Variants in CTNND2 observed in about 807,000 individuals in gnomAD.
CTNND2 encodes the protein catenin delta-2.
In CTNND2, 22 loss-of-function variants were observed where a neutral mutation model predicts 144.4. The observed-to-expected ratio is 0.15, with a 90% confidence interval of 0.11 to 0.22. The LOEUF (loss-of-function observed/expected upper bound fraction) is 0.22. CTNND2 is among the 10% of genes least tolerant of loss of function. CTNND2 has a pLI of 1.00. For synonymous variants in CTNND2, 751 were observed against 695.6 expected (o/e 1.08, Z -1.25); for missense variants, 1,353 against 1,618.8 (o/e 0.84, Z 2.82).
intron 1 of CTNND2, among the ~76,000 whole-genome samples, chr5:11,771,615 A>G (rs188501742): frequency 6.6e-6 from 1 of 152,186 alleles, no homozygotes; most frequent in African/African-American, 2.4e-5. Flanking sequence ...TTATCATTGT[A>G]GACCTCACTT....
At chr5:11,542,676 A>G (rs1186381803) in intron 3 of CTNND2, among the ~76,000 whole-genome samples, 1 of 152,250 alleles carries the variant, frequency 6.6e-6, no homozygotes, top group African/African-American at 2.4e-5. Flanking sequence ...AAAGGTCATT[A>G]TACACTCTTA....
rs578042962 is a variant in CTNND2 at position 11,581,990 on chromosome 5, G to C, written c.175-16934C>G. Among the ~76,000 whole-genome samples the C allele has an allele frequency of 5.9e-5, 9 of 152,258 alleles. No homozygotes were observed. In the East Asian group the frequency reaches 1.7e-3, roughly 29 times the overall value. The stretch of plus-strand genomic sequence containing the variant: ...TGTATAAATAAATGAGCATAAAATG[G>C]ATGTTCTTACTCAGAAGACTTTTAC... On this transcript the variant is annotated intron_variant, in intron 2 of 21. Coordinates refer to ENST00000304623, the MANE Select transcript of CTNND2 (RefSeq NM_001332.4).
chr5:11,775,878 C>T (rs933998224), intron 1 of CTNND2, among the ~76,000 whole-genome samples: 1 of 152,098 alleles, frequency 6.6e-6, no homozygotes, highest in African/African-American at 2.4e-5. Context: ...AATACAAAGA[C>T]TAGGGTCCTT....
At chr5:11,226,136 T>A (rs1450034408) in intron 10 of CTNND2, among the ~76,000 whole-genome samples, 1 of 152,180 alleles carries the variant, frequency 6.6e-6, no homozygotes, top group Non-Finnish European at 1.5e-5. Context: ...GAGAACAGAT[T>A]TCCATTGTTC....
intron 5 of CTNND2, among the ~76,000 whole-genome samples, chr5:11,400,236 GA>G (rs1760517754): frequency 6.6e-6 from 1 of 152,252 alleles, no homozygotes; most frequent in African/African-American, 2.4e-5. Flanking sequence ...GGGTGATATG[GA>G]AAGAAATGGT....
intron 2 of CTNND2, among the ~76,000 whole-genome samples, chr5:11,721,628 C>T (rs1432122242): frequency 1.3e-5 from 2 of 152,238 alleles, no homozygotes; most frequent in African/African-American, 4.8e-5. Context: ...CGGGGCTCCA[C>T]TGCTGATGGC....
At chr5:11,304,759 C>T (rs138707847) in intron 9 of CTNND2, among the ~76,000 whole-genome samples, 80 of 152,286 alleles carry the variant, frequency 5.3e-4, no homozygotes, top group African/African-American at 1.8e-3. Context: ...TCTGTTTCTT[C>T]CTGGCCACTG....
At chr5:11,188,778 T>C (rs1473825145) in intron 11 of CTNND2, among the ~76,000 whole-genome samples, 1 of 152,170 alleles carries the variant, frequency 6.6e-6, no homozygotes, top group Admixed American at 6.5e-5. Context: ...GAAGACTCTA[T>C]GGGATACAGC....
chr5:11,399,899 T>A (rs1275487670), intron 5 of CTNND2, among the ~76,000 whole-genome samples: 1 of 152,186 alleles, frequency 6.6e-6, no homozygotes, highest in East Asian at 1.9e-4. Context: ...GCTCACTAGG[T>A]TTTAAATCAG....
intron 1 of CTNND2, among the ~76,000 whole-genome samples, chr5:11,900,141 T>A (rs1440402099): frequency 1.3e-5 from 2 of 152,206 alleles, no homozygotes; most frequent in Non-Finnish European, 2.9e-5. Context: ...AGGTGAATAT[T>A]TATCTAAGAT....
Position 11,399,922 on chromosome 5 carries a change from A to T in CTNND2, c.440-2719T>A, listed in dbSNP as rs181610142. 6.6e-5 allele frequency among the ~76,000 whole-genome samples: 10 copies of T among 152,334 alleles called. No homozygotes were observed. The East Asian group carries it at 1.7e-3, about 26-fold the overall frequency. On this transcript the variant is annotated intron_variant, in intron 5 of 21. Coordinates refer to ENST00000304623, the MANE Select transcript of CTNND2 (RefSeq NM_001332.4). ...GGTTTTAAATCAGTGTCATTTACTC[A>T]TTCTAATTTTAGAGAGCACAGACAT... is the stretch of plus-strand genomic sequence containing the variant.
intron 1 of CTNND2, among the ~76,000 whole-genome samples, chr5:11,862,761 T>C (rs974859307): frequency 3.3e-5 from 5 of 152,230 alleles, no homozygotes; most frequent in Admixed American, 6.5e-5. Context: ...CTTTGAGACA[T>C]TGGCCAGCTC....
chr5:11,691,464 T>C (rs1784907209), intron 2 of CTNND2, among the ~76,000 whole-genome samples: 3 of 152,026 alleles, frequency 2.0e-5, no homozygotes, highest in Admixed American at 2.0e-4. Flanking sequence ...AAGTGGTCTC[T>C]GGTATGTTTT....
At chr5:11,403,309 T>C (rs538906679) in intron 5 of CTNND2, among the ~76,000 whole-genome samples, 35 of 152,288 alleles carry the variant, frequency 2.3e-4, no homozygotes, top group African/African-American at 8.4e-4. Context: ...AGTGTTTGGT[T>C]TTCTGCTCCT....
At chr5:11,860,074 G>A (rs909557737) in intron 1 of CTNND2, among the ~76,000 whole-genome samples, 1 of 151,970 alleles carries the variant, frequency 6.6e-6, no homozygotes, top group African/African-American at 2.4e-5. Flanking sequence ...GTGATCAATC[G>A]GATTAAATAT....
At chr5:11,899,124 G>A (rs1229356993) in intron 1 of CTNND2, among the ~76,000 whole-genome samples, 9 of 152,152 alleles carry the variant, frequency 5.9e-5, no homozygotes, top group Non-Finnish European at 1.0e-4. Flanking sequence ...GATTTTAATT[G>A]GGGAGGGGGT....
At chr5:11,775,846 C>T (rs1790223067) in intron 1 of CTNND2, among the ~76,000 whole-genome samples, 1 of 152,124 alleles carries the variant, frequency 6.6e-6, no homozygotes, top group Non-Finnish European at 1.5e-5. Flanking sequence ...AAAATGAGAT[C>T]ATATTGGATT....
intron 9 of CTNND2, among the ~76,000 whole-genome samples, chr5:11,316,466 TTTTTA>T (rs1751491264): frequency 2.6e-5 from 1 of 38,962 alleles, no homozygotes; most frequent in Admixed American, 4.8e-4. Flanking sequence ...TATCCACTAT[TTTTTA>T]TTATTATTAT....
intron 9 of CTNND2, among the ~76,000 whole-genome samples, chr5:11,278,543 T>C (rs1016422245): frequency 1.3e-5 from 2 of 152,126 alleles, no homozygotes; most frequent in East Asian, 3.9e-4. Context: ...GAAAAGCTAG[T>C]GGCCAGGAAA....
Sources: gnomAD v4.1 joint callset for allele counts (sites outside exome capture counted in the v4.1 genomes callset) on GRCh38, gnomAD v4.1.1 for gene constraint, MANE v1.5 for transcripts, NCBI Gene and HGNC (gene_info 2026-07-23, HGNC 2026-07-21) for gene names.